DAB1: variants seen among roughly 807,000 people sequenced by gnomAD.
The protein encoded by DAB1 is disabled homolog 1.
DAB1 carries 15 observed loss-of-function variants against 64.6 expected under a neutral mutation model. The observed-to-expected ratio is 0.23, with a 90% CI of 0.16 to 0.36. The LOEUF (loss-of-function observed/expected upper bound fraction) is 0.36, where lower values mean the gene tolerates loss of function less well. DAB1 is among the 10% of genes least tolerant of loss of function. The pLI is 1.00. For missense variants in DAB1, 596 were observed against 706.7 expected (o/e 0.84, Z 1.78); for synonymous variants, 235 against 251.9 (o/e 0.93, Z 0.64).
intron 6 of DAB1, among the ~76,000 whole-genome samples, chr1:57,750,406 C>G (rs2101802653): frequency 6.6e-6 from 1 of 152,288 alleles, no homozygotes; most frequent in East Asian, 1.9e-4. Context: ...CTTTGTGACA[C>G]AGATCACAGA....
chr1:57,485,919 C>A (rs1160843654), intron 7 of DAB1, among the ~76,000 whole-genome samples: 2 of 152,136 alleles, frequency 1.3e-5, no homozygotes, highest in Admixed American at 6.5e-5. Context: ...ATAAGGCGGC[C>A]GTTCACTGAA....
Position 58,518,294 on chromosome 1 carries a change from A to G in DAB1, n.107+8967T>C, listed in dbSNP as rs1395850658. Reference sequence around the variant, plus strand: ...AGAGGAGAGGAGAAGAGAAGAGAAGAGAAGAGAAGAGAAGAGAAGAGAAGA... The same window carrying G: ...AGAGGAGAGGAGAAGAGAAGAGAAGGGAAGAGAAGAGAAGAGAAGAGAAGA... On this transcript the variant is annotated intron_variant and non_coding_transcript_variant, in intron 2 of 20. Transcript: ENST00000485760. Among the ~76,000 whole-genome samples, 25 of 41,754 alleles carry G rather than the reference A, an allele frequency of 6.0e-4. 1 individual carries two copies. The highest frequency in any genetic ancestry group is 0.029 in the Middle Eastern group (2 of 70). 27.4% of individuals were successfully genotyped at this position (41,754 alleles called of 152,430 possible). A position where few individuals can be genotyped will look rare whatever the true frequency, so the allele number is the denominator to read the frequency against.
intron 5 of DAB1, among the ~76,000 whole-genome samples, chr1:58,110,066 T>G (rs1651886041): frequency 6.6e-6 from 1 of 152,238 alleles, no homozygotes; most frequent in Non-Finnish European, 1.5e-5. Flanking sequence ...AACTTACAGT[T>G]GTGTCCTTAA....
intron 3 of DAB1, among the ~76,000 whole-genome samples, chr1:58,375,811 C>T (rs1262475750): frequency 1.0e-4 from 15 of 146,042 alleles, no homozygotes; most frequent in Non-Finnish European, 1.8e-4. Flanking sequence ...CCATCTGGTC[C>T]TGGACTCTTT....
intron 2 of DAB1, among the ~76,000 whole-genome samples, chr1:57,264,976 C>A (rs1243100959): frequency 2.0e-5 from 3 of 152,176 alleles, no homozygotes; most frequent in Non-Finnish European, 4.4e-5. Context: ...CCTTAAATAA[C>A]CCTTAGAAGT....
At chr1:57,688,672 C>G (rs948535925) in intron 6 of DAB1, among the ~76,000 whole-genome samples, 6 of 152,074 alleles carry the variant, frequency 3.9e-5, no homozygotes, top group African/African-American at 1.4e-4. Context: ...ACCTAGGTGC[C>G]CATCAACGGT....
chr1:57,687,615 A>AAAG (rs1553209056), intron 6 of DAB1, among the ~76,000 whole-genome samples: 1 of 149,182 alleles, frequency 6.7e-6, no homozygotes, highest in African/African-American at 2.5e-5. Context: ...AAAAAAAAAA[A>AAAG]AAAAGAAAAA....
At position 57,607,289 on chromosome 1, in the gene DAB1, G is replaced by A. The variant is rs913500867; in HGVS notation, n.625+42303C>T. Among the ~76,000 whole-genome samples, 3 of 152,186 alleles carry A rather than the reference G, an allele frequency of 2.0e-5. No homozygotes were observed. The South Asian group carries it at 6.2e-4, about 31-fold the overall frequency. On this transcript the variant is annotated intron_variant and non_coding_transcript_variant, in intron 7 of 20. Coordinates refer to the DAB1 transcript ENST00000485760. Reference sequence around the variant, plus strand: ...CAAAAGGTTTAAAAGTTACTAATGTGAACGTTTCTCCAATTACATTCCCTA... The same window carrying A: ...CAAAAGGTTTAAAAGTTACTAATGTAAACGTTTCTCCAATTACATTCCCTA...
intron 5 of DAB1, among the ~76,000 whole-genome samples, chr1:58,051,634 C>T (rs1209430206): frequency 6.6e-6 from 1 of 152,180 alleles, no homozygotes; most frequent in Non-Finnish European, 1.5e-5. Context: ...CTGTCTTCCA[C>T]AATGGTTGAA....
intron 5 of DAB1, among the ~76,000 whole-genome samples, chr1:58,091,811 CAAAACT>C (rs532268341): frequency 1.6e-3 from 245 of 152,102 alleles, no homozygotes; most frequent in African/African-American, 5.7e-3. Flanking sequence ...GACCTGAGCT[CAAAACT>C]AATTACTCCT....
intron 4 of DAB1, among the ~76,000 whole-genome samples, chr1:58,302,303 A>C (rs1662190323): frequency 1.3e-5 from 2 of 152,094 alleles, no homozygotes; most frequent in Admixed American, 1.3e-4. Flanking sequence ...AATGGCCATT[A>C]AATGTCAATG....
At chr1:57,185,727 A>G (rs2100985133) in intron 2 of DAB1, among the ~76,000 whole-genome samples, 1 of 152,306 alleles carries the variant, frequency 6.6e-6, no homozygotes, top group Middle Eastern at 3.4e-3. Context: ...AAGAAATTCC[A>G]AATTCATAAT....
intron 1 of DAB1, among the ~76,000 whole-genome samples, chr1:57,354,232 A>G (rs1678871848): frequency 1.3e-5 from 2 of 152,132 alleles, no homozygotes; most frequent in South Asian, 4.1e-4. Flanking sequence ...TTAAAAAATA[A>G]AAATAAAGTA....
chr1:57,932,175 T>C (rs1251255179), intron 5 of DAB1, among the ~76,000 whole-genome samples: 2 of 152,228 alleles, frequency 1.3e-5, no homozygotes, highest in African/African-American at 4.8e-5. Context: ...TCTAGTTTAA[T>C]TCTGTGTTCT....
At chr1:58,510,446 A>T (rs1447982549) in intron 2 of DAB1, among the ~76,000 whole-genome samples, 1 of 152,126 alleles carries the variant, frequency 6.6e-6, no homozygotes, top group Non-Finnish European at 1.5e-5. Context: ...AAAAACTCTC[A>T]AACACTAGAA....
intron 4 of DAB1, among the ~76,000 whole-genome samples, chr1:58,222,566 A>G (rs1315750326): frequency 6.6e-6 from 1 of 152,230 alleles, no homozygotes; most frequent in Non-Finnish European, 1.5e-5. Context: ...CCATTTAACT[A>G]TCTTCTTTGA....
intron 5 of DAB1, among the ~76,000 whole-genome samples, chr1:58,040,132 C>A (rs1647112433): frequency 6.6e-6 from 1 of 152,122 alleles, no homozygotes; most frequent in South Asian, 2.1e-4. Context: ...ATTTTAGTAA[C>A]TTCACATGCT....
intron 2 of DAB1, among the ~76,000 whole-genome samples, chr1:57,284,240 G>A (rs560698284): frequency 6.6e-6 from 1 of 152,082 alleles, no homozygotes; most frequent in Non-Finnish European, 1.5e-5. Context: ...AGGGAAAGAC[G>A]AGACATAAAT....
chr1:57,159,054 AC>A, intron 2 of DAB1, among the ~76,000 whole-genome samples: 1 of 152,252 alleles, frequency 6.6e-6, no homozygotes, highest in Middle Eastern at 3.4e-3. Flanking sequence ...CAGATCAGGA[AC>A]CACTGAGTTA....
Sources: allele counts gnomAD v4.1 joint callset (sites outside exome capture counted in the v4.1 genomes callset), GRCh38; gene constraint gnomAD v4.1.1; transcripts MANE v1.5; gene names NCBI Gene and HGNC (gene_info 2026-07-23, HGNC 2026-07-21).